TOP3A: variants seen among roughly 807,000 people sequenced by gnomAD.
The protein encoded by TOP3A is DNA topoisomerase III alpha, also known as DNA topoisomerase 3-alpha.
In TOP3A, 64 loss-of-function variants were observed where a neutral mutation model predicts 111.3. The ratio of observed to expected loss-of-function variants is 0.57; its 90% CI spans 0.47 to 0.71. TOP3A has a LOEUF of 0.71. TOP3A is among the 30% of genes least tolerant of loss of function. The pLI is 0.00. For synonymous variants in TOP3A, 484 were observed against 485.1 expected (o/e 1.00, Z 0.03); for missense variants, 1,104 against 1,285.0 (o/e 0.86, Z 2.15).
intron 1 of TOP3A, among the ~76,000 whole-genome samples, chr17:18,309,422 C>A (rs947054531): frequency 1.3e-5 from 2 of 152,072 alleles, no homozygotes; most frequent in Non-Finnish European, 2.9e-5. Flanking sequence ...ACAGTTGGAT[C>A]ACTTTAGGTC....
chr17:18,287,769 C>T (rs906725690), intron 13 of TOP3A, among the ~76,000 whole-genome samples: 4 of 151,828 alleles, frequency 2.6e-5, no homozygotes, highest in South Asian at 2.1e-4. Context: ...CCTAGGTGGG[C>T]GGATCATGAG....
chr17:18,314,326 G>A (rs779412579), intron 1 of TOP3A, among the ~76,000 whole-genome samples: 6 of 152,232 alleles, frequency 3.9e-5, no homozygotes, highest in Non-Finnish European at 5.9e-5. Context: ...CAGCGCCCGA[G>A]GCGATTCCGA....
rs1477645909 is a variant in TOP3A at position 18,292,872 on chromosome 17, A to G, written c.1074-20T>C. The G allele has an allele frequency of 6.3e-7, 1 of 1,594,880 alleles. No homozygotes were observed. Among genetic ancestry groups the G allele is most frequent in the African/African-American group, 1.3e-5 (1 of 74,210 alleles). Reference sequence around the variant, plus strand: ...ATGTACCTAAAACCAAGGCAAACAAACAGAAAAAGAAATTGCTAGGCTCTC... The same window carrying G: ...ATGTACCTAAAACCAAGGCAAACAAGCAGAAAAAGAAATTGCTAGGCTCTC... On this transcript the variant is annotated intron_variant, in intron 10 of 18. Coordinates refer to ENST00000321105, the MANE Select transcript of TOP3A (RefSeq NM_004618.5).
At chr17:18,314,381 A>C (rs957451065) in intron 1 of TOP3A, among the ~76,000 whole-genome samples, 3 of 152,254 alleles carry the variant, frequency 2.0e-5, no homozygotes, top group African/African-American at 7.2e-5. Flanking sequence ...GCAAAACAAA[A>C]GGTTTCCACG....
chr17:18,308,268 T>C, intron 3 of TOP3A, 83 bp downstream of exon 3: 1 of 485,450 alleles, frequency 2.1e-6, no homozygotes, highest in Non-Finnish European at 3.4e-6. Flanking sequence ...AATTACCCAG[T>C]AAGATCAACA....
chr17:18,289,305 G>A (rs141788658), intron 13 of TOP3A, among the ~76,000 whole-genome samples: 18 of 151,950 alleles, frequency 1.2e-4, no homozygotes, highest in African/African-American at 2.7e-4. Flanking sequence ...ATGAGTCACC[G>A]TGCCCAGCCA....
At chr17:18,291,120 AGAAG>A (rs1362382740) in intron 11 of TOP3A, 93 bp from the exon 12 acceptor site, 1 of 1,295,938 alleles carries the variant, frequency 7.7e-7, no homozygotes. Flanking sequence ...TGTCCTGCAC[AGAAG>A]AGGCCACACT....
At chr17:18,310,434 CA>C (rs1042947126) in intron 1 of TOP3A, among the ~76,000 whole-genome samples, 1 of 150,418 alleles carries the variant, frequency 6.6e-6, no homozygotes, top group African/African-American at 2.4e-5. Flanking sequence ...TCTCAAAAAC[CA>C]AAAAAAAGGA....
chr17:18,274,821 A>T lies in TOP3A; in HGVS notation c.2987T>A (p.Phe996Tyr). ...LCHQPGHTRPFCPQNR is the reference protein window; with the variant it reads ...LCHQPGHTRPYCPQNR ...CTGAGCTCATCTGTTCTGAGGACAA[A>T]AGGGACGGGTGTGTCCAGGCTGGTG... Residue 996 changes from phenylalanine (F) to tyrosine (Y), a missense_variant, in exon 19 of 19, where the codon TTT becomes TAT. By Grantham distance (22) the Phe-to-Tyr change is conservative. Coordinates refer to ENST00000321105, the MANE Select transcript of TOP3A (RefSeq NM_004618.5). 1 of 1,614,120 alleles carries T rather than the reference A, an allele frequency of 6.2e-7. No individual in the cohort carries two copies. Among genetic ancestry groups the T allele is most frequent in the Non-Finnish European group, 8.5e-7 (1 of 1,179,992 alleles).
chr17:18,305,934 G>C (rs1981552249), intron 4 of TOP3A, among the ~76,000 whole-genome samples: 1 of 151,942 alleles, frequency 6.6e-6, no homozygotes, highest in Non-Finnish European at 1.5e-5. Flanking sequence ...AGGCTCGGTG[G>C]CTCACACCTG....
chr17:18,308,223 CAAAAAAAAA>C (rs201230376), intron 3 of TOP3A, 119 bp downstream of exon 3: 93 of 245,742 alleles, frequency 3.8e-4, no homozygotes, highest in South Asian at 1.4e-3. Flanking sequence ...TTGTCTCCAA[CAAAAAAAAA>C]AAAAAAAAAA....
At chr17:18,292,248 G>T (rs1392661848) in intron 11 of TOP3A, among the ~76,000 whole-genome samples, 1 of 152,200 alleles carries the variant, frequency 6.6e-6, no homozygotes, top group Non-Finnish European at 1.5e-5. Context: ...GCAGTGACAG[G>T]GGGTGGCACG....
Position 18,272,880 on chromosome 17 carries a change from C to A in TOP3A, c.*1922G>T, listed in dbSNP as rs1979085558. ...ATATTGGTCAGGCTGGTCTCGAACT[C>A]CTGACCTCAGGTGATCTGCCCACCT... On this transcript the variant is annotated 3_prime_UTR_variant, in exon 19 of 19. Transcript: ENST00000321105. 1 of 152,156 alleles carries A rather than the reference C, an allele frequency of 6.6e-6. No homozygotes were observed. The highest frequency in any genetic ancestry group is 1.5e-5 in the Non-Finnish European group (1 of 68,050). 9.4% of individuals were successfully genotyped at this position (152,156 alleles called of 1,614,324 possible).
chr17:18,308,270 A>G, intron 3 of TOP3A, 81 bp downstream of exon 3: 1 of 712,210 alleles, frequency 1.4e-6, no homozygotes, highest in African/African-American at 1.9e-5. Context: ...TTACCCAGTA[A>G]GATCAACATG....
At chr17:18,314,096 G>C (rs1037914867) in intron 1 of TOP3A, among the ~76,000 whole-genome samples, 22 of 151,830 alleles carry the variant, frequency 1.4e-4, no homozygotes, top group African/African-American at 4.4e-4. Context: ...CCGTGTTGCT[G>C]TAAGTGTGCA....
At chr17:18,277,625 A>T in intron 18 of TOP3A, 50 bp downstream of exon 18, 1 of 1,557,936 alleles carries the variant, frequency 6.4e-7, no homozygotes, top group Non-Finnish European at 8.7e-7. Context: ...TCTCTGAGGT[A>T]AACACCTGAA....
chr17:18,306,697 A>AT, intron 4 of TOP3A, 194 bp downstream of exon 4: 4 of 425,804 alleles, frequency 9.4e-6, no homozygotes, highest in Middle Eastern at 5.8e-4. Flanking sequence ...ACTACCATTC[A>AT]TAAAAAAAGT....
chr17:18,290,398 G>C, intron 13 of TOP3A, 159 bp downstream of exon 13: 1 of 801,266 alleles, frequency 1.2e-6, no homozygotes. Context: ...TGTGAACTTA[G>C]GTAAGTTCTT....
In TOP3A at chr17:18,273,075, C is replaced by T. The variant is rs1979096128; in HGVS notation, c.*1727G>A. 1.3e-5 allele frequency: 2 copies of T among 152,114 alleles called. No individual in the cohort carries two copies. The allele number at this position is 152,114 out of a possible 1,614,324, so 9.4% of individuals were successfully genotyped here. ...ACACACGCAGGGCCACAACCCACACCCACTCGGAGATGTTCCAGGAACAAT... is the reference window on the plus strand; with the variant it reads ...ACACACGCAGGGCCACAACCCACACTCACTCGGAGATGTTCCAGGAACAAT... On this transcript the variant is annotated 3_prime_UTR_variant, in exon 19 of 19. Coordinates refer to ENST00000321105, the MANE Select transcript of TOP3A (RefSeq NM_004618.5).
Sources: allele counts gnomAD v4.1 joint callset (sites outside exome capture counted in the v4.1 genomes callset), GRCh38; gene constraint gnomAD v4.1.1; transcripts MANE v1.5; gene names NCBI Gene and HGNC (gene_info 2026-07-23, HGNC 2026-07-21).